The following DNAH6 variants were observed in gnomAD, a reference collection of about 807,000 sequenced individuals.
DNAH6 encodes dynein axonemal heavy chain 6.
DNAH6 carries 340 observed loss-of-function variants against 491.4 expected under a neutral mutation model. That is an observed-to-expected ratio of 0.69 (90% CI 0.63 to 0.76). The LOEUF (loss-of-function observed/expected upper bound fraction) is 0.76. Ranked by LOEUF, DNAH6 falls within the 30% of genes least tolerant of loss-of-function variation. The pLI is 0.00. For missense variants in DNAH6, 4,443 were observed against 4,972.2 expected (o/e 0.89, Z 3.20); for synonymous variants, 1,603 against 1,686.1 (o/e 0.95, Z 1.21).
At chr2:84,598,244 T>C (rs1408754894) in intron 18 of DNAH6, among the ~76,000 whole-genome samples, 2 of 150,524 alleles carry the variant, frequency 1.3e-5, no homozygotes, top group Non-Finnish European at 3.0e-5. Context: ...CTCAGGCTGG[T>C]CTTGAATTCC....
chr2:84,460,194 T>A, the DNAH6 span: 1 of 152,222 alleles, frequency 6.6e-6, no homozygotes, highest in East Asian at 1.9e-4. Context: ...TAGGTAGTCA[T>A]TATAATTGGC....
At chr2:84,639,690 G>A (rs1689207821) in intron 31 of DNAH6, among the ~76,000 whole-genome samples, 1 of 152,242 alleles carries the variant, frequency 6.6e-6, no homozygotes, top group African/African-American at 2.4e-5. Context: ...AAAGTGCTGG[G>A]ATTACAGGTG....
At position 84,529,013 on chromosome 2, in the gene DNAH6, A is replaced by T; in HGVS notation, c.509A>T (p.Tyr170Phe). 3.9e-6 allele frequency: 6 copies of T among 1,551,414 alleles called. No homozygotes were observed. Among genetic ancestry groups the T allele is most frequent in the Non-Finnish European group, 5.2e-6 (6 of 1,146,782 alleles). The part of the protein sequence containing the change: ...FGTRSSAYPK[Y>F]TFHDREEVVK... ...ACTAGATCTTCAGCTTACCCTAAGT[A>T]CACTTTTCACGACCGAGAAGAAGTT... The change falls in exon 4 of 77, where the codon TAC becomes TTC. Residue 170 changes from tyrosine (Y) to phenylalanine (F), a missense_variant. Tyr to Phe is a conservative substitution (Grantham distance 22). Transcript: ENST00000389394.
intron 9 of DNAH6, among the ~76,000 whole-genome samples, chr2:84,552,485 A>G (rs1046449371): frequency 5.3e-5 from 8 of 152,230 alleles, no homozygotes; most frequent in Non-Finnish European, 1.2e-4. Flanking sequence ...TTTGCTTTCA[A>G]GAATTCTCAG....
At chr2:84,664,435 G>C (rs550617080) in intron 37 of DNAH6, among the ~76,000 whole-genome samples, 3 of 152,002 alleles carry the variant, frequency 2.0e-5, no homozygotes, top group Admixed American at 6.6e-5. Flanking sequence ...CAAAAAAAAA[G>C]CAGGGGTTGC....
At chr2:84,570,842 C>T (rs1573054119) in intron 11 of DNAH6, among the ~76,000 whole-genome samples, 1 of 152,212 alleles carries the variant, frequency 6.6e-6, no homozygotes, top group African/African-American at 2.4e-5. Context: ...CTGCTGCTCA[C>T]TCTTGGGTCC....
At chr2:84,554,969 A>T (rs1197468549) in intron 10 of DNAH6, among the ~76,000 whole-genome samples, 1 of 152,234 alleles carries the variant, frequency 6.6e-6, no homozygotes, top group Non-Finnish European at 1.5e-5. Context: ...ACTTCTACAC[A>T]TGAAACATAC....
At chr2:84,791,187 C>T (rs1677702994) in intron 68 of DNAH6, among the ~76,000 whole-genome samples, 1 of 132,230 alleles carries the variant, frequency 7.6e-6, no homozygotes, top group Non-Finnish European at 1.6e-5. Context: ...AAAACTCCAT[C>T]TCAAAAAAAA....
chr2:84,797,769 T>A, intron 70 of DNAH6, 111 bp downstream of exon 70: 5 of 986,398 alleles, frequency 5.1e-6, no homozygotes, highest in Non-Finnish European at 7.3e-6. Context: ...AATAAACAAA[T>A]AAAATAATTG....
chr2:84,501,338 A>C, the DNAH6 span, among the ~76,000 whole-genome samples: 2 of 152,030 alleles, frequency 1.3e-5, no homozygotes, highest in African/African-American at 4.8e-5. Flanking sequence ...ATTCATTTGC[A>C]TATGTTGGGT....
At chr2:84,793,500 C>T (rs534745287) in intron 68 of DNAH6, among the ~76,000 whole-genome samples, 1 of 152,302 alleles carries the variant, frequency 6.6e-6, no homozygotes, top group African/African-American at 2.4e-5. Context: ...CACCCTTCTT[C>T]CCCTGACATC....
intron 62 of DNAH6, among the ~76,000 whole-genome samples, chr2:84,737,349 GA>G (rs1699605398): frequency 1.3e-5 from 2 of 152,062 alleles, no homozygotes; most frequent in South Asian, 4.1e-4. Context: ...CATAGAATGA[GA>G]TAGTGAGGAG....
At chr2:84,764,762 T>C (rs1674919205) in intron 64 of DNAH6, among the ~76,000 whole-genome samples, 1 of 152,192 alleles carries the variant, frequency 6.6e-6, no homozygotes, top group Admixed American at 6.5e-5. Flanking sequence ...GAACATATTA[T>C]TCTTTTTTAT....
At chr2:84,743,782 A>G (rs983069494) in intron 62 of DNAH6, among the ~76,000 whole-genome samples, 1 of 152,218 alleles carries the variant, frequency 6.6e-6, no homozygotes, top group Admixed American at 6.5e-5. Context: ...AGAACACGCC[A>G]CTGCACTCTT....
chr2:84,754,136 G>C (rs1355816562), intron 63 of DNAH6, among the ~76,000 whole-genome samples: 1 of 146,308 alleles, frequency 6.8e-6, no homozygotes, highest in African/African-American at 2.5e-5. Context: ...GTTAATTTTT[G>C]TATATGATGT....
intron 63 of DNAH6, among the ~76,000 whole-genome samples, chr2:84,747,510 T>TAGTAAGCCC (rs1673074008): frequency 6.6e-6 from 1 of 152,212 alleles, no homozygotes; most frequent in South Asian, 2.1e-4. Flanking sequence ...CCCAAGGCCT[T>TAGTAAGCCC]AGTAAGCCCT....
At position 84,619,787 on chromosome 2, in the gene DNAH6, A is replaced by C. The variant is rs1687228159; in HGVS notation, c.3675A>C (p.Ser1225=). ...TAAGGAAATGCTTCGACTCCATTTC[A>C]AAGCTCGAATTTGCTCTCATGCCTC... is the stretch of plus-strand genomic sequence containing the variant. The part of the protein sequence containing the change: ...PHLRKCFDSI[S]KLEFALMPPA... Residue 1225 remains serine (S), a synonymous_variant, in exon 24 of 77, where the codon TCA becomes TCC. Transcript: ENST00000389394. 1 of 1,551,502 alleles carries C rather than the reference A, an allele frequency of 6.4e-7. No individual in the cohort carries two copies. The highest frequency in any genetic ancestry group is 1.4e-5 in the African/African-American group (1 of 73,034).
At chr2:84,795,560 G>A (rs1480489598) in intron 68 of DNAH6, among the ~76,000 whole-genome samples, 1 of 152,194 alleles carries the variant, frequency 6.6e-6, no homozygotes, top group East Asian at 1.9e-4. Context: ...TGGATCAACA[G>A]TTGGAGGATT....
At chr2:84,684,030 C>T (rs1009892593) in intron 42 of DNAH6, among the ~76,000 whole-genome samples, 5 of 152,212 alleles carry the variant, frequency 3.3e-5, no homozygotes, top group East Asian at 1.9e-4. Context: ...TCCCAACTCC[C>T]GATCTGAAGG....
Sources: allele counts gnomAD v4.1 joint callset (sites outside exome capture counted in the v4.1 genomes callset), GRCh38; gene constraint gnomAD v4.1.1; transcripts MANE v1.5; gene names NCBI Gene and HGNC (gene_info 2026-07-23, HGNC 2026-07-21).